The following TXLNG variants were observed in gnomAD, a reference collection of about 807,000 sequenced individuals.
TXLNG encodes taxilin gamma.
Under a neutral mutation model 38.8 loss-of-function variants are expected in TXLNG, and 5 were observed. The ratio of observed to expected loss-of-function variants is 0.13; its 90% CI spans 0.07 to 0.27. The LOEUF is 0.27. Among genes scored for constraint, TXLNG ranks in the 10% least tolerant of loss-of-function variants. The pLI, the probability that TXLNG is intolerant of heterozygous loss-of-function variation, is 1.00. For missense variants in TXLNG, 393 were observed against 398.2 expected (o/e 0.99, Z 0.11); for synonymous variants, 182 against 158.2 (o/e 1.15, Z -1.13).
intron 1 of TXLNG, among the ~76,000 whole-genome samples, chrX:16,790,262 C>T (rs1297028827): frequency 9.0e-6 from 1 of 111,727 alleles, no homozygotes; most frequent in Non-Finnish European, 1.9e-5. Flanking sequence ...CATGGATCCA[C>T]GATTATAGTA....
At chrX:16,841,297 A>G in intron 9 of TXLNG, 131 bp from the exon 10 acceptor site, 1 of 519,374 alleles carries the variant, frequency 1.9e-6, no homozygotes, top group Non-Finnish European at 3.2e-6. Flanking sequence ...AGCTAGCTAG[A>G]ATGTTAGGAG....
intron 1 of TXLNG, among the ~76,000 whole-genome samples, chrX:16,796,160 C>T (rs1310538233): frequency 9.3e-6 from 1 of 107,631 alleles, no homozygotes. Flanking sequence ...CGTCACTACA[C>T]TTGTTCATTT....
At chrX:16,835,189 G>A (rs1269077754) in intron 7 of TXLNG, among the ~76,000 whole-genome samples, 1 of 111,038 alleles carries the variant, frequency 9.0e-6, no homozygotes, top group Non-Finnish European at 1.9e-5. Context: ...ATTACATTTG[G>A]CTGAAAGAAG....
At chrX:16,802,505 C>G (rs1018329855) in intron 1 of TXLNG, among the ~76,000 whole-genome samples, 1 of 110,317 alleles carries the variant, frequency 9.1e-6, no homozygotes, top group Non-Finnish European at 1.9e-5. Context: ...TCCACCTCAG[C>G]CTCCCAAAGT....
intron 1 of TXLNG, among the ~76,000 whole-genome samples, chrX:16,794,455 A>G (rs753023769): frequency 9.0e-6 from 1 of 111,682 alleles, no homozygotes; most frequent in South Asian, 3.8e-4. Context: ...GAGGTATGCC[A>G]TGCTACAACT....
intron 1 of TXLNG, among the ~76,000 whole-genome samples, 154 bp downstream of exon 1, chrX:16,786,743 G>GT (rs1273757160): frequency 1.8e-5 from 2 of 108,166 alleles, no homozygotes; most frequent in African/African-American, 3.4e-5. Context: ...GTGGGAGCAG[G>GT]TGGGGGGGGG....
At chrX:16,786,816 A>C (rs1156647808) in intron 1 of TXLNG, among the ~76,000 whole-genome samples, 2 of 106,889 alleles carry the variant, frequency 1.9e-5, no homozygotes, top group Non-Finnish European at 3.9e-5. Context: ...CGCGGCGGGG[A>C]AGCCGGGAGG....
Position 16,839,885 on chromosome X carries a change from A to G in TXLNG, c.1217A>G (p.Asn406Ser). Residue 406 changes from asparagine (N) to serine (S), a missense_variant, in exon 9 of 10, where the codon AAT becomes AGT. Physicochemically the swap from Asn to Ser is conservative, Grantham distance 46. Coordinates refer to ENST00000380122, the MANE Select transcript of TXLNG (RefSeq NM_018360.3). ...ATTTGGCGTACCAAATGGGAAAACAATAATAAAGCACTTCTGCAAATGGCT... is the reference window on the plus strand; with the variant it reads ...ATTTGGCGTACCAAATGGGAAAACAGTAATAAAGCACTTCTGCAAATGGCT... ...TIIWRTKWEN[N>S]NKALLQMAEE... 7 of 1,204,457 alleles carry G rather than the reference A, an allele frequency of 5.8e-6. No homozygotes were observed. Among genetic ancestry groups the G allele is most frequent in the Non-Finnish European group, 6.7e-6 (6 of 891,599 alleles).
intron 1 of TXLNG, chrX:16,803,367 T>G (rs1231699706): frequency 9.5e-6 from 1 of 104,870 alleles, no homozygotes; most frequent in Non-Finnish European, 2.0e-5. Context: ...TTTTTTTTTT[T>G]TTTTTGAGAT....
intron 1 of TXLNG, among the ~76,000 whole-genome samples, chrX:16,811,646 C>CTT (rs1211355941): frequency 1.0e-5 from 1 of 98,505 alleles, no homozygotes; most frequent in Non-Finnish European, 2.1e-5. Context: ...CCGTGGCCGG[C>CTT]TTTTTTTTTT....
intron 3 of TXLNG, among the ~76,000 whole-genome samples, chrX:16,821,773 G>T (rs997423288): frequency 2.7e-5 from 3 of 109,172 alleles, no homozygotes; most frequent in Admixed American, 9.8e-5. Context: ...GGCGGATCAC[G>T]AGGTCAGGAG....
chrX:16,788,708 C>T (rs1927596116), intron 1 of TXLNG, among the ~76,000 whole-genome samples: 1 of 92,831 alleles, frequency 1.1e-5, no homozygotes, highest in African/African-American at 4.1e-5. Flanking sequence ...TGCTCTGTTA[C>T]CCAGGCTGCA....
intron 3 of TXLNG, among the ~76,000 whole-genome samples, chrX:16,825,374 T>C (rs947796348): frequency 1.2e-4 from 14 of 112,229 alleles, no homozygotes; most frequent in African/African-American, 4.2e-4. Flanking sequence ...TTTCTGATGT[T>C]TGCACAGAGG....
At chrX:16,819,545 C>G (rs1219440651) in intron 2 of TXLNG, among the ~76,000 whole-genome samples, 1 of 111,627 alleles carries the variant, frequency 9.0e-6, no homozygotes, top group Admixed American at 9.6e-5. Flanking sequence ...TTAGTCCCCT[C>G]CTAATCTCAG....
intron 1 of TXLNG, among the ~76,000 whole-genome samples, chrX:16,804,311 T>C (rs908711296): frequency 8.9e-6 from 1 of 112,411 alleles, no homozygotes; most frequent in Non-Finnish European, 1.9e-5. Context: ...TTGGCCGTTA[T>C]TTAACCAGTT....
At position 16,843,470 on chromosome X, in the gene TXLNG, C is replaced by T. The variant is rs577990942; in HGVS notation, c.*1704C>T. 1.8e-5 allele frequency: 2 copies of T among 111,790 alleles called. No homozygotes were observed. The highest frequency in any genetic ancestry group is 9.2e-3 in the Middle Eastern group (2 of 218). 9.2% of individuals were successfully genotyped at this position (111,790 alleles called of 1,213,427 possible). A position where few individuals can be genotyped will look rare whatever the true frequency, so the allele number is the denominator to read the frequency against. The stretch of plus-strand genomic sequence containing the variant: ...AATGAGTCAGAAGCAAAAAACACCA[C>T]CCTCCAACAGCCTCTTAGGAGTACA... On this transcript the variant is annotated 3_prime_UTR_variant, in exon 10 of 10. Transcript: ENST00000380122.
chrX:16,840,343 C>T (rs945246604), intron 9 of TXLNG: 3 of 467,139 alleles, frequency 6.4e-6, no homozygotes, highest in Non-Finnish European at 2.6e-6. Context: ...AACAAGCATG[C>T]AGGTGATGCT....
Position 16,805,007 on chromosome X carries a change from T to TTTTTTTTTTTTTG in TXLNG, c.103-13567_103-13566insTTTTTTTTTTTTG, listed in dbSNP as rs1162642529. Among the ~76,000 whole-genome samples the TTTTTTTTTTTTTG allele has an allele frequency of 9.0e-4, 35 of 38,734 alleles. 11 individuals carry two copies. The highest frequency in any genetic ancestry group is 1.6e-3 in the Non-Finnish European group (33 of 20,071). The allele number at this position is 38,734 out of a possible 115,157, so 33.6% of individuals were successfully genotyped here. On this transcript the variant is annotated intron_variant, in intron 1 of 9. Coordinates refer to ENST00000380122, the MANE Select transcript of TXLNG (RefSeq NM_018360.3). ...CCGCTTTTTTTTTTTTTTTTTTTTTTGAGAGACAGAGCCTGGCTGTGTTGC... is the reference window on the plus strand; with the variant it reads ...CCGCTTTTTTTTTTTTTTTTTTTTTTTTTTTTTTTTTTGGAGAGACAGAGCCTGGCTGTGTTGC...
chrX:16,793,272 C>T (rs1029135205), intron 1 of TXLNG, among the ~76,000 whole-genome samples: 3 of 111,095 alleles, frequency 2.7e-5, no homozygotes, highest in African/African-American at 9.8e-5. Flanking sequence ...ATTCTGTTGG[C>T]ACTTATAAAT....
Sources: gnomAD v4.1 joint callset for allele counts (sites outside exome capture counted in the v4.1 genomes callset) on GRCh38, gnomAD v4.1.1 for gene constraint, MANE v1.5 for transcripts, NCBI Gene and HGNC (gene_info 2026-07-23, HGNC 2026-07-21) for gene names.